MAGI1: variants seen among roughly 807,000 people sequenced by gnomAD.
The protein encoded by MAGI1 is membrane associated guanylate kinase, WW and PDZ domain containing 1, also known as membrane-associated guanylate kinase, WW and PDZ domain-containing protein 1.
Under a neutral mutation model 139.9 loss-of-function variants are expected in MAGI1, and 58 were observed. The observed-to-expected ratio is 0.41, with a 90% CI of 0.34 to 0.52. The LOEUF (loss-of-function observed/expected upper bound fraction) is 0.52, where lower values mean the gene tolerates loss of function less well. Ranked by LOEUF, MAGI1 falls within the 20% of genes least tolerant of loss-of-function variation. The pLI is 0.12. For missense variants in MAGI1, 1,874 were observed against 1,901.6 expected (o/e 0.99, Z 0.27); for synonymous variants, 812 against 737.9 (o/e 1.10, Z -1.63).
intron 1 of MAGI1, among the ~76,000 whole-genome samples, chr3:65,838,841 C>T (rs2058714035): frequency 6.6e-6 from 1 of 152,150 alleles, no homozygotes; most frequent in Admixed American, 6.5e-5. Context: ...ACATTCCCAC[C>T]AACAATGTAT....
intron 2 of MAGI1, among the ~76,000 whole-genome samples, chr3:65,508,503 G>C (rs1002209065): frequency 8.5e-5 from 13 of 152,084 alleles, no homozygotes; most frequent in Non-Finnish European, 1.9e-4. Flanking sequence ...TCTTTAAATA[G>C]AATCTAATAG....
At chr3:65,568,596 T>G (rs1356024921) in intron 2 of MAGI1, among the ~76,000 whole-genome samples, 1 of 152,160 alleles carries the variant, frequency 6.6e-6, no homozygotes, top group Non-Finnish European at 1.5e-5. Context: ...CACTCAAGTC[T>G]AAAATGTATT....
intron 2 of MAGI1, among the ~76,000 whole-genome samples, chr3:65,621,385 T>C (rs2083658693): frequency 6.6e-6 from 1 of 152,230 alleles, no homozygotes; most frequent in African/African-American, 2.4e-5. Flanking sequence ...TTTTCAGATT[T>C]GGTGTAATCT....
chr3:66,017,378 G>A (rs995884670), intron 1 of MAGI1, among the ~76,000 whole-genome samples: 2 of 152,214 alleles, frequency 1.3e-5, no homozygotes, highest in Non-Finnish European at 2.9e-5. Context: ...CCCTCCCAAC[G>A]GAGGGTGCAA....
At chr3:65,736,677 G>A (rs2034766593) in intron 1 of MAGI1, among the ~76,000 whole-genome samples, 1 of 152,130 alleles carries the variant, frequency 6.6e-6, no homozygotes, top group Non-Finnish European at 1.5e-5. Flanking sequence ...CTCAAGAAGA[G>A]AGAACAAGTT....
At chr3:65,447,706 C>T (rs1948760900) in intron 7 of MAGI1, among the ~76,000 whole-genome samples, 1 of 152,192 alleles carries the variant, frequency 6.6e-6, no homozygotes, top group African/African-American at 2.4e-5. Context: ...GTTCAAGGGA[C>T]ACAGCGAGCA....
chr3:65,439,901 CTGCTGCTGCTGCTGTTGCTGCTGCTGT>C lies in MAGI1; in HGVS notation c.1221_1247del (p.Gln413_Gln421del), dbSNP rs1948143523. 3.7e-6 allele frequency: 6 copies of C among 1,609,658 alleles called. No individual in the cohort carries two copies. The highest frequency in any genetic ancestry group is 5.1e-6 in the Non-Finnish European group (6 of 1,177,498). ...AACCTTCTGTCTGCTGCTGCTGCTGCTGCTGCTGCTGCTGTTGCTGCTGCTGTTGCTGCTGCTGCTGCTGCTCAAGCT... is the reference window on the plus strand; with the variant it reads ...AACCTTCTGTCTGCTGCTGCTGCTGCTGCTGCTGCTGCTGCTGCTCAAGCT... On this transcript the variant is annotated inframe_deletion, in exon 9 of 23. Coordinates refer to ENST00000402939, the MANE Select transcript of MAGI1 (RefSeq NM_001033057.2).
At chr3:65,756,468 G>A (rs1191698781) in intron 1 of MAGI1, among the ~76,000 whole-genome samples, 17 of 152,126 alleles carry the variant, frequency 1.1e-4, no homozygotes, top group Non-Finnish European at 1.3e-4. Flanking sequence ...TTCTCATGGG[G>A]ACCCTGCTTA....
chr3:65,361,112 CAAAA>C (rs1229768617), intron 22 of MAGI1, 83 bp downstream of exon 22: 6 of 1,612,200 alleles, frequency 3.7e-6, no homozygotes, highest in Non-Finnish European at 5.1e-6. Context: ...ATAGGGGAAA[CAAAA>C]AAGACTTTCC....
chr3:65,610,787 T>C (rs908349923), intron 2 of MAGI1, among the ~76,000 whole-genome samples: 1 of 66,406 alleles, frequency 1.5e-5, no homozygotes, highest in African/African-American at 5.0e-5. Flanking sequence ...CTGTATATAG[T>C]ATATATAGTA....
intron 1 of MAGI1, among the ~76,000 whole-genome samples, chr3:65,683,746 T>A (rs2087769891): frequency 6.6e-6 from 1 of 151,028 alleles, no homozygotes; most frequent in South Asian, 2.1e-4. Context: ...TAAACCACAA[T>A]GAGAGCACTT....
chr3:65,772,553 G>C (rs1288751175), intron 1 of MAGI1, among the ~76,000 whole-genome samples: 1 of 152,158 alleles, frequency 6.6e-6, no homozygotes. Context: ...TCTTTCCCTG[G>C]GATCAGCAGC....
At chr3:65,686,127 T>A (rs1048900759) in intron 1 of MAGI1, among the ~76,000 whole-genome samples, 20 of 152,180 alleles carry the variant, frequency 1.3e-4, no homozygotes, top group African/African-American at 4.1e-4. Flanking sequence ...TGATTTTCTT[T>A]GGCCCCTGGC....
At chr3:65,510,780 T>A (rs2077547389) in intron 2 of MAGI1, among the ~76,000 whole-genome samples, 1 of 137,452 alleles carries the variant, frequency 7.3e-6, no homozygotes, top group Admixed American at 7.5e-5. Context: ...CAGGCCAACA[T>A]TCAGATTCAG....
intron 17 of MAGI1, among the ~76,000 whole-genome samples, chr3:65,377,330 A>G (rs1385574423): frequency 6.6e-6 from 1 of 152,234 alleles, no homozygotes; most frequent in Non-Finnish European, 1.5e-5. Flanking sequence ...TTGATCTCCA[A>G]GGACAATTGG....
intron 1 of MAGI1, among the ~76,000 whole-genome samples, chr3:65,742,373 G>A (rs2107786439): frequency 6.6e-6 from 1 of 152,210 alleles, no homozygotes. Context: ...TATACCCAGA[G>A]CCTGCTTCTC....
intron 1 of MAGI1, among the ~76,000 whole-genome samples, chr3:65,819,215 C>T (rs955054589): frequency 6.6e-5 from 10 of 152,028 alleles, no homozygotes; most frequent in Non-Finnish European, 1.2e-4. Flanking sequence ...ACCTGGGAGG[C>T]GGAGGTTGCG....
chr3:65,783,801 A>C (rs2039144371), intron 1 of MAGI1, among the ~76,000 whole-genome samples: 1 of 90,228 alleles, frequency 1.1e-5, no homozygotes, highest in South Asian at 6.1e-4. Flanking sequence ...CCCAGCCTGT[A>C]CCAAAAAAAA....
chr3:65,725,296 G>A (rs1241780715), intron 1 of MAGI1, among the ~76,000 whole-genome samples: 1 of 152,142 alleles, frequency 6.6e-6, no homozygotes, highest in African/African-American at 2.4e-5. Flanking sequence ...CTTGACTTCT[G>A]TGTACCCCAG....
Sources: gnomAD v4.1 joint callset for allele counts (sites outside exome capture counted in the v4.1 genomes callset) on GRCh38, gnomAD v4.1.1 for gene constraint, MANE v1.5 for transcripts, NCBI Gene and HGNC (gene_info 2026-07-23, HGNC 2026-07-21) for gene names.